Variants in SNAPC3 observed in about 807,000 individuals in gnomAD.
The protein encoded by SNAPC3 is small nuclear RNA activating complex polypeptide 3.
SNAPC3 carries 56 observed loss-of-function variants against 47.7 expected under a neutral mutation model. The ratio of observed to expected loss-of-function variants is 1.18; its 90% CI spans 0.95 to 1.47. The LOEUF (loss-of-function observed/expected upper bound fraction) is 1.47. Among genes scored for constraint, SNAPC3 ranks in the 40% most tolerant of loss-of-function variants. The pLI is 0.00. For missense variants in SNAPC3, 665 were observed against 511.3 expected, an observed-to-expected ratio of 1.30 and a Z score of -2.90; for synonymous variants, 235 against 189.9, an observed-to-expected ratio of 1.24 and a Z score of -1.95.
intron 7 of SNAPC3, among the ~76,000 whole-genome samples, chr9:15,454,652 A>C (rs372189635): frequency 2.6e-5 from 4 of 152,210 alleles, no homozygotes; most frequent in African/African-American, 4.8e-5. Context: ...AAATTAAGCA[A>C]ATGGGCCAGG....
intron 3 of SNAPC3, among the ~76,000 whole-genome samples, chr9:15,435,826 TTTTAC>T (rs1159448699): frequency 7.0e-6 from 1 of 143,370 alleles, no homozygotes; most frequent in Non-Finnish European, 1.5e-5. Flanking sequence ...TATGTTGTCT[TTTTAC>T]TTACTTTTCT....
At chr9:15,452,488 T>C (rs375162253) in intron 6 of SNAPC3, among the ~76,000 whole-genome samples, 2 of 152,112 alleles carry the variant, frequency 1.3e-5, no homozygotes, top group East Asian at 1.9e-4. Flanking sequence ...CCGGCTGATT[T>C]TGTATTTTTA....
At chr9:15,425,737 G>A (rs1324105512) in intron 2 of SNAPC3, among the ~76,000 whole-genome samples, 1 of 152,188 alleles carries the variant, frequency 6.6e-6, no homozygotes, top group Non-Finnish European at 1.5e-5. Flanking sequence ...TTGATTAGTT[G>A]TATTTGTCTA....
At chr9:15,434,858 T>C (rs1212017155) in intron 3 of SNAPC3, among the ~76,000 whole-genome samples, 1 of 152,246 alleles carries the variant, frequency 6.6e-6, no homozygotes, top group Admixed American at 6.5e-5. Context: ...TTGGGTTCTT[T>C]TATCTTTTGG....
chr9:15,432,886 ATTT>A, intron 2 of SNAPC3, among the ~76,000 whole-genome samples: 1 of 152,218 alleles, frequency 6.6e-6, no homozygotes, highest in African/African-American at 2.4e-5. Flanking sequence ...GAGAAACAAG[ATTT>A]GCATAGTGTC....
At position 15,423,143 on chromosome 9, in the gene SNAPC3, G is replaced by C. The variant is rs373734712; in HGVS notation, c.264G>C (p.Arg88Ser). Residue 88 changes from arginine to serine, a missense_variant, in exon 1 of 9, where the codon AGG (arginine) becomes AGC (serine). Coordinates refer to ENST00000380821, the MANE Select transcript of SNAPC3 (RefSeq NM_001039697.2). ...ACCGGGAGGATGCCGCGGTGGCCAGGGATCTGGACTGCAGCCTGGAGGCGG... is the reference window on the plus strand; with the variant it reads ...ACCGGGAGGATGCCGCGGTGGCCAGCGATCTGGACTGCAGCCTGGAGGCGG... Reference protein sequence around the residue: ...DSDREDAAVARDLDCSLEAAA... With the variant: ...DSDREDAAVASDLDCSLEAAA... 6.4e-7 allele frequency: 1 copy of C among 1,565,344 alleles called. No individual in the cohort carries two copies. Among genetic ancestry groups the C allele is most frequent in the Non-Finnish European group, 8.6e-7 (1 of 1,166,388 alleles).
At position 15,461,574 on chromosome 9, in the gene SNAPC3, A is replaced by C. The variant is rs975729266; in HGVS notation, c.*1708A>C. On this transcript the variant is annotated 3_prime_UTR_variant, in exon 9 of 9. Transcript: ENST00000380821. ...TACTGTTTAGAAGACTTTTAGGAAT[A>C]CTATAGATTTCAAATGCATCATTTA... 8.5e-5 allele frequency: 13 copies of C among 152,236 alleles called. No individual in the cohort carries two copies. Among genetic ancestry groups the C allele is most frequent in the African/African-American group, 3.1e-4 (13 of 41,466 alleles). 9.4% of individuals were successfully genotyped at this position (152,236 alleles called of 1,614,324 possible). A position where few individuals can be genotyped will look rare whatever the true frequency, so the allele number is the denominator to read the frequency against.
downstream of SNAPC3, chr9:15,465,567 C>T: frequency 1.3e-6 from 2 of 1,585,344 alleles, no homozygotes; most frequent in Non-Finnish European, 1.7e-6. Context: ...GTCTCTCTCT[C>T]TTCACTGGAT....
chr9:15,450,336 CAA>C (rs2034296328), intron 5 of SNAPC3, among the ~76,000 whole-genome samples: 1 of 151,556 alleles, frequency 6.6e-6, no homozygotes, highest in South Asian at 2.1e-4. Context: ...GGAATGAAGA[CAA>C]GAAAGAAAAA....
intron 3 of SNAPC3, among the ~76,000 whole-genome samples, chr9:15,440,969 T>G (rs1335200479): frequency 6.8e-6 from 1 of 146,374 alleles, no homozygotes; most frequent in Non-Finnish European, 1.5e-5. Flanking sequence ...AAAAAAAAAT[T>G]GGTCAGTCAG....
downstream of SNAPC3, chr9:15,461,632 T>C (rs1200314050): frequency 6.6e-6 from 1 of 152,210 alleles, no homozygotes; most frequent in Non-Finnish European, 1.5e-5. Flanking sequence ...CTCTCCTAGG[T>C]TGTATTTAAA....
At chr9:15,457,024 GTCA>G (rs2034848663) in intron 7 of SNAPC3, among the ~76,000 whole-genome samples, 2 of 152,256 alleles carry the variant, frequency 1.3e-5, no homozygotes, top group Admixed American at 6.5e-5. Context: ...TCTGAAGTCT[GTCA>G]TCATTTAAAG....
At chr9:15,443,375 C>T (rs927991351) in intron 3 of SNAPC3, among the ~76,000 whole-genome samples, 7 of 152,218 alleles carry the variant, frequency 4.6e-5, no homozygotes, top group Admixed American at 3.3e-4. Flanking sequence ...TCCATACTTT[C>T]CTCTTTTTTT....
chr9:15,425,504 C>T (rs1351316817), intron 2 of SNAPC3, among the ~76,000 whole-genome samples: 4 of 152,192 alleles, frequency 2.6e-5, no homozygotes, highest in South Asian at 2.1e-4. Context: ...ATGCGTGAGC[C>T]GCCACACCTT....
chr9:15,438,199 C>G (rs908684877), intron 3 of SNAPC3, among the ~76,000 whole-genome samples: 5 of 152,152 alleles, frequency 3.3e-5, no homozygotes, highest in Admixed American at 6.5e-5. Flanking sequence ...CATTTTGAAT[C>G]AGTTTTGATA....
chr9:15,443,132 C>T (rs1248408690), intron 3 of SNAPC3, among the ~76,000 whole-genome samples: 1 of 152,166 alleles, frequency 6.6e-6, no homozygotes, highest in African/African-American at 2.4e-5. Flanking sequence ...TACAGTCCAG[C>T]TTTGGCTCGG....
chr9:15,461,945 G>A (rs994664671), downstream of SNAPC3: 1 of 152,110 alleles, frequency 6.6e-6, no homozygotes, highest in Non-Finnish European at 1.5e-5. Context: ...ATTGATAACT[G>A]CCAGCAAACC....
chr9:15,455,013 G>A (rs1455438298), intron 7 of SNAPC3, among the ~76,000 whole-genome samples: 4 of 152,124 alleles, frequency 2.6e-5, no homozygotes, highest in Admixed American at 6.6e-5. Flanking sequence ...ACAAAATGTC[G>A]TCCAACAGAT....
chr9:15,427,696 C>T (rs2031603550), intron 2 of SNAPC3, among the ~76,000 whole-genome samples: 1 of 152,152 alleles, frequency 6.6e-6, no homozygotes, highest in Non-Finnish European at 1.5e-5. Flanking sequence ...TTATTCTGCC[C>T]ATCCCCCTCA....
Sources: allele counts gnomAD v4.1 joint callset (sites outside exome capture counted in the v4.1 genomes callset), GRCh38; gene constraint gnomAD v4.1.1; transcripts MANE v1.5; gene names NCBI Gene and HGNC (gene_info 2026-07-23, HGNC 2026-07-21).